The following PHF21A variants were observed in gnomAD, a reference collection of about 807,000 sequenced individuals.
PHF21A encodes the protein PHD finger protein 21A, also known as BHC80a.
Under a neutral mutation model 82.5 loss-of-function variants are expected in PHF21A, and 11 were observed. That is an observed-to-expected ratio of 0.13 (90% confidence interval 0.08 to 0.22). The LOEUF is 0.22. PHF21A is among the 10% of genes least tolerant of loss of function. The probability of loss-of-function intolerance (pLI) is 1.00; values close to 1 mark genes in which losing one functional copy is unlikely to be tolerated. For synonymous variants in PHF21A, 297 were observed against 302.8 expected (o/e 0.98, Z 0.20); for missense variants, 579 against 837.8 (o/e 0.69, Z 3.81).
chr11:46,011,555 C>T (rs959178568), intron 6 of PHF21A, among the ~76,000 whole-genome samples: 44 of 152,202 alleles, frequency 2.9e-4, no homozygotes, highest in Admixed American at 2.0e-3. Context: ...TTCTAAGATA[C>T]TTTCTCGCTC....
chr11:46,111,530 C>T (rs144289321), intron 1 of PHF21A, among the ~76,000 whole-genome samples: 8 of 152,252 alleles, frequency 5.3e-5, no homozygotes, highest in African/African-American at 1.7e-4. Flanking sequence ...CTTAAATAAA[C>T]ATGGTAGCCC....
chr11:46,025,967 C>T (rs1286687778), intron 6 of PHF21A, among the ~76,000 whole-genome samples: 2 of 152,098 alleles, frequency 1.3e-5, no homozygotes, highest in Non-Finnish European at 2.9e-5. Context: ...AACACTGATA[C>T]AATACTATTA....
chr11:46,072,869 G>A (rs1016092988), intron 6 of PHF21A, among the ~76,000 whole-genome samples: 5 of 152,066 alleles, frequency 3.3e-5, no homozygotes, highest in Admixed American at 6.5e-5. Context: ...AACAAACTTC[G>A]GAATGTTAAG....
intron 2 of PHF21A, 138 bp from the exon 3 acceptor site, chr11:46,090,704 T>G (rs1277935013): frequency 6.7e-6 from 1 of 149,364 alleles, no homozygotes; most frequent in Non-Finnish European, 1.5e-5. Context: ...GAATACATTA[T>G]AGAAAATGAG....
In PHF21A at chr11:46,019,474, C is replaced by T. The variant is rs571682577; in HGVS notation, c.154-39508G>A. Among the ~76,000 whole-genome samples the T allele has an allele frequency of 4.6e-5, 7 of 152,184 alleles. No individual in the cohort carries two copies. The East Asian group carries it at 1.4e-3, about 29-fold the overall frequency. ...ACACAGCCCTAAGATGTGGCCAATC[C>T]AGGCAAAGCTGGCTAAAAGCAGGGA... On this transcript the variant is annotated intron_variant, in intron 6 of 18. Transcript: ENST00000676320.
chr11:46,069,081 A>AC (rs2096627425), intron 6 of PHF21A, among the ~76,000 whole-genome samples: 1 of 152,184 alleles, frequency 6.6e-6, no homozygotes, highest in African/African-American at 2.4e-5. Context: ...AGCACTGGGA[A>AC]CCACAGTCAC....
At chr11:46,095,816 A>G (rs529083622) in intron 1 of PHF21A, among the ~76,000 whole-genome samples, 12 of 152,300 alleles carry the variant, frequency 7.9e-5, no homozygotes, top group African/African-American at 2.9e-4. Flanking sequence ...TCACCCTACT[A>G]CAAATTTCAA....
intron 9 of PHF21A, among the ~76,000 whole-genome samples, chr11:45,969,317 GA>G (rs2136035543): frequency 6.6e-6 from 1 of 152,356 alleles, no homozygotes; most frequent in South Asian, 2.1e-4. Flanking sequence ...GGCCTAGGGA[GA>G]AAGTCCTCTG....
At chr11:46,034,259 C>T (rs1241223581) in intron 6 of PHF21A, among the ~76,000 whole-genome samples, 1 of 146,332 alleles carries the variant, frequency 6.8e-6, no homozygotes, top group Non-Finnish European at 1.5e-5. Context: ...GAGGCTCATA[C>T]TTTTCTTAGA....
At chr11:46,076,906 AATG>A (rs2096732515) in intron 5 of PHF21A, 87 bp from the exon 6 acceptor site, 4 of 1,031,180 alleles carry the variant, frequency 3.9e-6, no homozygotes, top group Admixed American at 1.7e-5. Flanking sequence ...CTGCATTACA[AATG>A]ATGAAGCAAC....
intron 6 of PHF21A, among the ~76,000 whole-genome samples, chr11:46,065,932 C>T (rs1033137337): frequency 6.6e-6 from 1 of 152,224 alleles, no homozygotes; most frequent in African/African-American, 2.4e-5. Flanking sequence ...AGAGAAACCA[C>T]CTGACTATGC....
intron 10 of PHF21A, among the ~76,000 whole-genome samples, chr11:45,964,973 G>A (rs1033431641): frequency 3.5e-4 from 53 of 152,144 alleles, no homozygotes; most frequent in African/African-American, 1.3e-3. Flanking sequence ...TTCTTATTGG[G>A]CCGAAACTAA....
chr11:46,098,489 G>A (rs1487431936), intron 1 of PHF21A, among the ~76,000 whole-genome samples: 1 of 151,418 alleles, frequency 6.6e-6, no homozygotes, highest in Non-Finnish European at 1.5e-5. Flanking sequence ...TGGTTGAGAA[G>A]AAATAGCAGA....
At chr11:46,016,771 A>T (rs1052779302) in intron 6 of PHF21A, among the ~76,000 whole-genome samples, 1 of 151,836 alleles carries the variant, frequency 6.6e-6, no homozygotes, top group African/African-American at 2.4e-5. Flanking sequence ...GGCAGCCCTC[A>T]GAAATGTTTG....
In PHF21A at chr11:46,019,992, CT is replaced by C. The variant is rs368181546; in HGVS notation, c.154-40027del. On this transcript the variant is annotated intron_variant, in intron 6 of 18. Transcript: ENST00000676320. The stretch of plus-strand genomic sequence containing the variant: ...TTTTGCTATTTTCTACATTTTGACT[CT>C]TTTTTTTTTTAGCCATCATTATGAA... Among the ~76,000 whole-genome samples, 1,145 of 144,212 alleles carry C rather than the reference CT, an allele frequency of 7.9e-3. 10 individuals carry two copies. The highest frequency in any genetic ancestry group is 0.025 in the African/African-American group (993 of 39,480). The allele number at this position is 144,212 out of a possible 152,430, so 94.6% of individuals were successfully genotyped here.
intron 6 of PHF21A, among the ~76,000 whole-genome samples, chr11:46,015,896 A>ATCTG (rs915402365): frequency 1.7e-4 from 2 of 11,512 alleles, no homozygotes; most frequent in African/African-American, 6.5e-4. Context: ...TTTTACAGTC[A>ATCTG]TCTATCTATC....
chr11:46,112,970 T>C (rs2097237103), intron 1 of PHF21A, among the ~76,000 whole-genome samples: 1 of 152,208 alleles, frequency 6.6e-6, no homozygotes, highest in African/African-American at 2.4e-5. Flanking sequence ...TAAGGTAAAC[T>C]AAAACACTAG....
At chr11:46,120,904 AAG>A (rs1324171034) in intron 1 of PHF21A, 29 bp downstream of exon 1, 2 of 152,650 alleles carry the variant, frequency 1.3e-5, no homozygotes, top group Non-Finnish European at 2.9e-5. Flanking sequence ...GAGTGAGAAG[AAG>A]AGAGAATGGA....
intron 10 of PHF21A, among the ~76,000 whole-genome samples, chr11:45,960,463 T>C (rs2093003551): frequency 6.6e-6 from 1 of 152,246 alleles, no homozygotes; most frequent in Non-Finnish European, 1.5e-5. Context: ...TGTATGATTC[T>C]ATGTATATGA....
Sources: gnomAD v4.1 joint callset for allele counts (sites outside exome capture counted in the v4.1 genomes callset) on GRCh38, gnomAD v4.1.1 for gene constraint, MANE v1.5 for transcripts, NCBI Gene and HGNC (gene_info 2026-07-23, HGNC 2026-07-21) for gene names.